The following RBM28 variants were observed in gnomAD, a reference collection of about 807,000 sequenced individuals.
RBM28 encodes the protein RNA-binding protein 28.
Under a neutral mutation model 98.3 loss-of-function variants are expected in RBM28, and 78 were observed. The observed-to-expected ratio is 0.79, with a 90% CI of 0.66 to 0.96. The LOEUF is 0.96. Ranked by LOEUF, RBM28 falls within the 40% of genes least tolerant of loss-of-function variation. The probability of loss-of-function intolerance (pLI) is 0.00; values close to 1 mark genes in which losing one functional copy is unlikely to be tolerated. For missense variants in RBM28, 838 were observed against 913.0 expected, an observed-to-expected ratio of 0.92 and a Z score of 1.06; for synonymous variants, 306 against 330.9, an observed-to-expected ratio of 0.92 and a Z score of 0.82.
In RBM28 at chr7:128,338,786, A is replaced by T. The variant is rs1356375016; in HGVS notation, c.388T>A (p.Leu130Met). 1 of 1,611,326 alleles carries T rather than the reference A, an allele frequency of 6.2e-7. No individual in the cohort carries two copies. The highest frequency in any genetic ancestry group is 8.5e-7 in the Non-Finnish European group (1 of 1,177,494). Residue 130 changes from leucine to methionine, a missense_variant, in exon 4 of 19, where the codon TTG (leucine) becomes ATG (methionine). Coordinates refer to ENST00000223073, the MANE Select transcript of RBM28 (RefSeq NM_018077.3). ...NLSFKCSEDD[L>M]KTVFAQFGAV... ...CCAAATTGAGCAAATACTGTCTTCA[A>T]GTCATCTTCTGAACACTGAAGCCAA...
At chr7:128,317,775 T>A in intron 15 of RBM28, 42 bp from the exon 16 acceptor site, 1 of 1,510,974 alleles carries the variant, frequency 6.6e-7, no homozygotes, top group South Asian at 1.1e-5. Context: ...GACTTCTTAA[T>A]CTGTGCATGC....
Position 128,299,234 on chromosome 7 carries a change from A to AAAGGC in RBM28, c.*11558_*11562dup, listed in dbSNP as rs1795749800. On this transcript the variant is annotated 3_prime_UTR_variant, in exon 19 of 19. Transcript: ENST00000223073. ...GCGCCTTTAATGTAGTTTCCAGCAG[A>AAAGGC]AAGGCAAGGCAAGGCAGGGAAGCAG... 6.6e-6 allele frequency: 1 copy of AAAGGC among 152,258 alleles called. No individual in the cohort carries two copies. Among genetic ancestry groups the AAAGGC allele is most frequent in the South Asian group, 2.1e-4 (1 of 4,836 alleles). The allele number at this position is 152,258 out of a possible 1,614,324, so 9.4% of individuals were successfully genotyped here.
In RBM28 at chr7:128,306,313, A is replaced by AC. The variant is rs2084038758; in HGVS notation, c.*4483dup. ...GAATGGACAAGGCATAGCAGAAAGT[A>AC]CGGTGGTACACTCAAGGCACTGTGA... On this transcript the variant is annotated 3_prime_UTR_variant, in exon 19 of 19. Coordinates refer to ENST00000223073, the MANE Select transcript of RBM28 (RefSeq NM_018077.3). 6.6e-6 allele frequency: 1 copy of AC among 152,238 alleles called. No individual in the cohort carries two copies. The highest frequency in any genetic ancestry group is 1.5e-5 in the Non-Finnish European group (1 of 68,050). 9.4% of individuals were successfully genotyped at this position (152,238 alleles called of 1,614,324 possible).
rs561628232 is a variant in RBM28, at chr7:128,306,476, C to T, written c.*4321G>A. The T allele has an allele frequency of 1.3e-5, 2 of 152,096 alleles. No homozygotes were observed. The highest frequency in any genetic ancestry group is 2.9e-5 in the Non-Finnish European group (2 of 68,018). 9.4% of individuals were successfully genotyped at this position (152,096 alleles called of 1,614,324 possible). Reference sequence around the variant, plus strand: ...GTTCAACAGTATGAAACTCCTACTACGAGTAAATCAATGTTAGGTGTTGTG... The same window carrying T: ...GTTCAACAGTATGAAACTCCTACTATGAGTAAATCAATGTTAGGTGTTGTG... On this transcript the variant is annotated 3_prime_UTR_variant, in exon 19 of 19. Transcript: ENST00000223073.
At position 128,314,971 on chromosome 7, in the gene RBM28, G is replaced by A. The variant is rs996537867; in HGVS notation, c.1838C>T (p.Pro613Leu). 6.2e-7 allele frequency: 1 copy of A among 1,614,164 alleles called. No homozygotes were observed. The highest frequency in any genetic ancestry group is 8.5e-7 in the Non-Finnish European group (1 of 1,180,036). Residue 613 changes from proline to leucine, a missense_variant, in exon 17 of 19, where the codon CCA becomes CTA. Transcript: ENST00000223073. ...PATGEPQKGQ[P>L]EPAKDQQQKA... The stretch of plus-strand genomic sequence containing the variant: ...CTGTTGCTGGTCTTTTGCAGGCTCT[G>A]GTTGCCCCTTCTGAGGCTCACCAGT...
Position 128,323,577 on chromosome 7 carries a change from T to C in RBM28, c.1354A>G (p.Thr452Ala), listed in dbSNP as rs757712871. Residue 452 changes from threonine to alanine, a missense_variant, in exon 13 of 19, where the codon ACG becomes GCG. By Grantham distance (58) the Thr-to-Ala change is moderately conservative (BLOSUM62 0). Transcript: ENST00000223073. ...LAREGLIRAGTKAAEGVSAAD... is the reference protein window; with the variant it reads ...LAREGLIRAGAKAAEGVSAAD... ...GCACTCACACCCTCTGCAGCCTTCG[T>C]CCCAGCACGAATCACTGCAGAAAGA... 2 of 1,614,208 alleles carry C rather than the reference T, an allele frequency of 1.2e-6. No individual in the cohort carries two copies. Among genetic ancestry groups the C allele is most frequent in the South Asian group, 1.1e-5 (1 of 91,084 alleles).
chr7:128,339,857 G>A, intron 1 of RBM28, 66 bp from the exon 2 acceptor site: 1 of 1,532,938 alleles, frequency 6.5e-7, no homozygotes, highest in Non-Finnish European at 9.0e-7. Context: ...CATAAGCCAA[G>A]AGCACTAAAT....
intron 18 of RBM28, 141 bp from the exon 19 acceptor site, chr7:128,311,072 C>A: frequency 1.2e-6 from 1 of 834,988 alleles, no homozygotes; most frequent in Non-Finnish European, 1.9e-6. Context: ...GAGAGAGACT[C>A]TTAGAGAGAA....
Position 128,330,915 on chromosome 7 carries a change from C to G in RBM28, c.1033G>C (p.Asp345His), listed in dbSNP as rs1244734458. Residue 345 changes from aspartate (D) to histidine (H), a missense_variant, in exon 10 of 19, where the codon GAC becomes CAC. Transcript: ENST00000223073. Reference sequence around the variant, plus strand: ...TCCCCAAGTTCTTCTTCTTCTGAGTCAAAGGACAGATTTCTATGGAAGATA... The same window carrying G: ...TCCCCAAGTTCTTCTTCTTCTGAGTGAAAGGACAGATTTCTATGGAAGATA... ...KTVFIRNLSF[D>H]SEEEELGELL... is the part of the protein sequence containing the mutation. 1 of 1,612,492 alleles carries G rather than the reference C, an allele frequency of 6.2e-7. No individual in the cohort carries two copies. Among genetic ancestry groups the G allele is most frequent in the Non-Finnish European group, 8.5e-7 (1 of 1,178,516 alleles).
chr7:128,337,327 A>T (rs1796623064), intron 5 of RBM28, 125 bp from the exon 6 acceptor site: 2 of 906,748 alleles, frequency 2.2e-6, no homozygotes, highest in Non-Finnish European at 3.6e-6. Flanking sequence ...AATTCAGGGA[A>T]TGCTGGTCTT....
rs1364676944 is a variant in RBM28 at position 128,335,691 on chromosome 7, C to G, written c.810-12G>C. On this transcript the variant is annotated splice_polypyrimidine_tract_variant and intron_variant, in intron 7 of 18. Transcript: ENST00000223073. The stretch of plus-strand genomic sequence containing the variant: ...GTCTCTTGACTGCTCTGCAATGGCA[C>G]AGATCAGAACTAAGGAGGTGGGCTG... The G allele has an allele frequency of 6.2e-7, 1 of 1,614,154 alleles. No individual in the cohort carries two copies. Among genetic ancestry groups the G allele is most frequent in the African/African-American group, 1.3e-5 (1 of 75,052 alleles).
chr7:128,302,661 G>C lies in RBM28; in HGVS notation c.*8136C>G, dbSNP rs566042115. The C allele has an allele frequency of 6.6e-6, 1 of 152,154 alleles. No individual in the cohort carries two copies. The highest frequency in any genetic ancestry group is 2.1e-4 in the South Asian group (1 of 4,826). The allele number at this position is 152,154 out of a possible 1,614,324, so 9.4% of individuals were successfully genotyped here. A position where few individuals can be genotyped will look rare whatever the true frequency, so the allele number is the denominator to read the frequency against. On this transcript the variant is annotated 3_prime_UTR_variant, in exon 19 of 19. Coordinates refer to ENST00000223073, the MANE Select transcript of RBM28 (RefSeq NM_018077.3). ...ATGTATATGAGTACATTTGGCTTGT[G>C]GTAGATCAGGAGAGAGAAAGAAAGA...
At position 128,300,214 on chromosome 7, in the gene RBM28, A is replaced by G. The variant is rs926830377; in HGVS notation, c.*10583T>C. On this transcript the variant is annotated 3_prime_UTR_variant, in exon 19 of 19. Coordinates refer to ENST00000223073, the MANE Select transcript of RBM28 (RefSeq NM_018077.3). ...TGATTGGTTTTCACAAAGAAGCTCA[A>G]AGTGGAGGAATGATCTCTGGACATG... is the stretch of plus-strand genomic sequence containing the variant. The G allele has an allele frequency of 2.0e-5, 3 of 152,184 alleles. No homozygotes were observed. Among genetic ancestry groups the G allele is most frequent in the African/African-American group, 7.2e-5 (3 of 41,440 alleles). The allele number at this position is 152,184 out of a possible 1,614,324, so 9.4% of individuals were successfully genotyped here.
chr7:128,341,194 T>C (rs1240292684), intron 1 of RBM28: 1 of 1,289,268 alleles, frequency 7.8e-7, no homozygotes, highest in South Asian at 1.2e-5. Context: ...ATAAGCCCTT[T>C]GACACAGGAC....
At chr7:128,328,658 A>G (rs1796406183) in intron 10 of RBM28, among the ~76,000 whole-genome samples, 1 of 152,244 alleles carries the variant, frequency 6.6e-6, no homozygotes, top group Non-Finnish European at 1.5e-5. Context: ...ACTAAAAAAG[A>G]GACAAAAGAT....
At chr7:128,332,237 A>C (rs1338051413) in intron 9 of RBM28, among the ~76,000 whole-genome samples, 4 of 152,228 alleles carry the variant, frequency 2.6e-5, no homozygotes, top group Non-Finnish European at 5.9e-5. Context: ...GTGAATCTTT[A>C]TGATGTGGGC....
Position 128,309,597 on chromosome 7 carries a change from C to CACTCCAGCCTGGGCGACAGAGTGAG in RBM28, c.*1175_*1199dup, listed in dbSNP as rs1795936208. The stretch of plus-strand genomic sequence containing the variant: ...GCAATGAGCTGAGACAGCGCCATTG[C>CACTCCAGCCTGGGCGACAGAGTGAG]ACTCCAGCCTGGGCGACAGAGTGAG... On this transcript the variant is annotated 3_prime_UTR_variant, in exon 19 of 19. Coordinates refer to ENST00000223073, the MANE Select transcript of RBM28 (RefSeq NM_018077.3). 1 of 145,810 alleles carries CACTCCAGCCTGGGCGACAGAGTGAG rather than the reference C, an allele frequency of 6.9e-6. No homozygotes were observed. Among genetic ancestry groups the CACTCCAGCCTGGGCGACAGAGTGAG allele is most frequent in the Non-Finnish European group, 1.5e-5 (1 of 67,408 alleles). 9.0% of individuals were successfully genotyped at this position (145,810 alleles called of 1,614,324 possible). A position where few individuals can be genotyped will look rare whatever the true frequency, so the allele number is the denominator to read the frequency against.
chr7:128,333,476 G>T, intron 8 of RBM28, 114 bp from the exon 9 acceptor site: 1 of 869,692 alleles, frequency 1.1e-6, no homozygotes, highest in Middle Eastern at 3.0e-4. Context: ...ATGCCACTTT[G>T]AAAAGCCCAG....
intron 11 of RBM28, 80 bp downstream of exon 11, chr7:128,325,738 G>T: frequency 2.1e-6 from 2 of 956,240 alleles, no homozygotes; most frequent in Non-Finnish European, 1.7e-6. Flanking sequence ...TAATAATAAA[G>T]CTTTGTATAA....
Sources: gnomAD v4.1 joint callset for allele counts (sites outside exome capture counted in the v4.1 genomes callset) on GRCh38, gnomAD v4.1.1 for gene constraint, MANE v1.5 for transcripts, NCBI Gene and HGNC (gene_info 2026-07-23, HGNC 2026-07-21) for gene names.